BLM: variants seen among roughly 807,000 people sequenced by gnomAD.
BLM encodes the protein recQ-like DNA helicase BLM.
Under a neutral mutation model 135.3 loss-of-function variants are expected in BLM, and 95 were observed. That is an observed-to-expected ratio of 0.70 (90% CI 0.59 to 0.83). The LOEUF is 0.83. Ranked by LOEUF, BLM falls within the 40% of genes least tolerant of loss-of-function variation. The probability of loss-of-function intolerance (pLI) is 0.00; values close to 1 mark genes in which losing one functional copy is unlikely to be tolerated. For missense variants in BLM, 1,518 were observed against 1,663.9 expected (o/e 0.91, Z 1.53); for synonymous variants, 520 against 589.2 (o/e 0.88, Z 1.70).
intron 16 of BLM, among the ~76,000 whole-genome samples, chr15:90,795,030 CCTA>C (rs1896997242): frequency 6.6e-6 from 1 of 152,112 alleles, no homozygotes; most frequent in Non-Finnish European, 1.5e-5. Flanking sequence ...TCTACTGTAA[CCTA>C]CTGCTTACTG....
intron 2 of BLM, among the ~76,000 whole-genome samples, chr15:90,747,870 C>T (rs1347988457): frequency 2.0e-5 from 3 of 152,074 alleles, no homozygotes; most frequent in Non-Finnish European, 4.4e-5. Context: ...TGCAGTGGCG[C>T]GATCTTGGCT....
At chr15:90,753,749 A>G (rs1318267416) in intron 4 of BLM, among the ~76,000 whole-genome samples, 1 of 152,228 alleles carries the variant, frequency 6.6e-6, no homozygotes, top group African/African-American at 2.4e-5. Flanking sequence ...CAGAGAAGAG[A>G]GACCTGTTTT....
At chr15:90,797,554 T>A (rs1187975715) in intron 16 of BLM, among the ~76,000 whole-genome samples, 1 of 151,916 alleles carries the variant, frequency 6.6e-6, no homozygotes, top group Non-Finnish European at 1.5e-5. Context: ...CATCTCCAGG[T>A]TATTGGTGTG....
chr15:90,812,920 A>G (rs1567067711), intron 21 of BLM, among the ~76,000 whole-genome samples: 2 of 152,142 alleles, frequency 1.3e-5, no homozygotes, highest in Non-Finnish European at 2.9e-5. Context: ...CAGTGAGAAC[A>G]TTTTCTTATT....
chr15:90,810,321 C>T (rs1897382685), intron 20 of BLM, among the ~76,000 whole-genome samples: 1 of 152,146 alleles, frequency 6.6e-6, no homozygotes, highest in Non-Finnish European at 1.5e-5. Flanking sequence ...TCCTGAAGTG[C>T]TGGGGTTACA....
At chr15:90,764,489 C>T (rs1467801784) in intron 8 of BLM, among the ~76,000 whole-genome samples, 1 of 151,886 alleles carries the variant, frequency 6.6e-6, no homozygotes, top group Non-Finnish European at 1.5e-5. Context: ...GCTGGGGCTA[C>T]AGGCATGTGC....
chr15:90,724,268 C>T (rs1596195532), intron 1 of BLM, among the ~76,000 whole-genome samples: 2 of 152,292 alleles, frequency 1.3e-5, no homozygotes, highest in East Asian at 3.9e-4. Flanking sequence ...CTGCCTTGGC[C>T]TCCCAAAGTG....
intron 1 of BLM, among the ~76,000 whole-genome samples, chr15:90,730,953 A>C (rs986344559): frequency 6.6e-6 from 1 of 150,624 alleles, no homozygotes; most frequent in Non-Finnish European, 1.5e-5. Flanking sequence ...TTATTTATTT[A>C]TTTATCCTTT....
intron 1 of BLM, among the ~76,000 whole-genome samples, chr15:90,720,246 T>C (rs1004725252): frequency 6.6e-6 from 1 of 152,204 alleles, no homozygotes; most frequent in South Asian, 2.1e-4. Context: ...CCATGATGCC[T>C]GGCACAGAGT....
intron 1 of BLM, among the ~76,000 whole-genome samples, chr15:90,718,093 C>T (rs1894656397): frequency 6.6e-6 from 1 of 152,168 alleles, no homozygotes; most frequent in African/African-American, 2.4e-5. Flanking sequence ...CTTCTACTTC[C>T]TGGCGTTTTT....
chr15:90,761,895 A>G (rs1895998356), intron 7 of BLM, among the ~76,000 whole-genome samples: 1 of 152,212 alleles, frequency 6.6e-6, no homozygotes, highest in South Asian at 2.1e-4. Flanking sequence ...GAAATTAGCC[A>G]CTGAAGGCTC....
At chr15:90,794,424 A>T (rs1896982580) in intron 16 of BLM, 67 bp downstream of exon 16, 9 of 1,295,648 alleles carry the variant, frequency 6.9e-6, no homozygotes, top group Non-Finnish European at 8.4e-6. Context: ...AAATGTAGAT[A>T]CAAATTAGAT....
At position 90,780,387 on chromosome 15, in the gene BLM, T is replaced by C. The variant is rs544810502; in HGVS notation, c.2556-2435T>C. ...CGTGAGCCACCGCGCCCGTCCAGGA[T>C]GTCTTTTTTCTAATTAGAGACGAGG... On this transcript the variant is annotated intron_variant, in intron 12 of 21. Transcript: ENST00000355112. Among the ~76,000 whole-genome samples the C allele has an allele frequency of 1.3e-3, 193 of 152,180 alleles. 1 individual carries two copies. The highest frequency in any genetic ancestry group is 4.5e-3 in the African/African-American group (188 of 41,534).
chr15:90,740,415 A>AT (rs946257362), intron 1 of BLM, among the ~76,000 whole-genome samples: 2 of 152,084 alleles, frequency 1.3e-5, no homozygotes, highest in African/African-American at 2.4e-5. Context: ...TCAGTACTAT[A>AT]TTTTTTTGTG....
intron 21 of BLM, among the ~76,000 whole-genome samples, chr15:90,811,727 G>A (rs963741632): frequency 4.6e-5 from 7 of 152,120 alleles, no homozygotes; most frequent in Middle Eastern, 3.4e-3. Context: ...GCACAATCTC[G>A]GCTCACTGCA....
intron 13 of BLM, 108 bp from the exon 14 acceptor site, chr15:90,784,813 C>G (rs748690850): frequency 7.8e-5 from 93 of 1,192,942 alleles, no homozygotes; most frequent in Non-Finnish European, 1.0e-4. Context: ...TATAAGAACA[C>G]TACGGGAGAT....
At chr15:90,727,394 C>G (rs1349597929) in intron 1 of BLM, among the ~76,000 whole-genome samples, 1 of 152,102 alleles carries the variant, frequency 6.6e-6, no homozygotes, top group African/African-American at 2.4e-5. Context: ...ATAGATATAA[C>G]TTGTACGTGA....
intron 14 of BLM, among the ~76,000 whole-genome samples, chr15:90,789,139 C>T (rs1179095848): frequency 6.6e-6 from 1 of 151,666 alleles, no homozygotes; most frequent in South Asian, 2.1e-4. Context: ...CTAATTAATC[C>T]TTACAGTCAG....
intron 14 of BLM, among the ~76,000 whole-genome samples, chr15:90,789,077 AT>A (rs1436334125): frequency 6.6e-6 from 1 of 151,878 alleles, no homozygotes; most frequent in African/African-American, 2.4e-5. Context: ...TTGATAAAAA[AT>A]ATGGTTAAAC....
Sources: gnomAD v4.1 joint callset for allele counts (sites outside exome capture counted in the v4.1 genomes callset) on GRCh38, gnomAD v4.1.1 for gene constraint, MANE v1.5 for transcripts, NCBI Gene and HGNC (gene_info 2026-07-23, HGNC 2026-07-21) for gene names.